RANBP17: variants seen among roughly 807,000 people sequenced by gnomAD.
RANBP17 encodes RAN binding protein 17, also known as ran-binding protein 17.
In RANBP17, 158 loss-of-function variants were observed where a neutral mutation model predicts 141.2. The observed-to-expected ratio is 1.12, with a 90% CI of 0.98 to 1.28. The LOEUF is 1.28. RANBP17 is among the 50% of genes most tolerant of loss of function. RANBP17 has a pLI of 0.00. For synonymous variants in RANBP17, 430 were observed against 450.0 expected (o/e 0.96, Z 0.56); for missense variants, 1,438 against 1,290.7 (o/e 1.11, Z -1.75).
At chr5:171,203,302 T>C (rs1181758318) in intron 19 of RANBP17, among the ~76,000 whole-genome samples, 1 of 152,242 alleles carries the variant, frequency 6.6e-6, no homozygotes, top group African/African-American at 2.4e-5. Flanking sequence ...CTTAGTAGGC[T>C]GGTTGAGCTC....
At chr5:170,862,344 C>T (rs932116422) in intron 1 of RANBP17, among the ~76,000 whole-genome samples, 3 of 152,204 alleles carry the variant, frequency 2.0e-5, no homozygotes, top group Non-Finnish European at 4.4e-5. Context: ...GGTGCGGACG[C>T]CGGCAGCACG....
intron 13 of RANBP17, among the ~76,000 whole-genome samples, chr5:170,964,521 G>T (rs1051061396): frequency 6.6e-6 from 1 of 151,594 alleles, no homozygotes; most frequent in African/African-American, 2.4e-5. Flanking sequence ...AGCATTAGGT[G>T]TATCTCCTAA....
At chr5:171,238,184 T>G (rs531662326) in intron 22 of RANBP17, among the ~76,000 whole-genome samples, 1 of 152,306 alleles carries the variant, frequency 6.6e-6, no homozygotes, top group South Asian at 2.1e-4. Context: ...ATGCCTAGTC[T>G]TCCATTATTA....
intron 12 of RANBP17, among the ~76,000 whole-genome samples, chr5:170,942,440 A>C (rs1394357979): frequency 6.6e-6 from 1 of 152,228 alleles, no homozygotes; most frequent in African/African-American, 2.4e-5. Flanking sequence ...AATGAACTAT[A>C]CCTAGTGAGT....
At chr5:171,082,069 T>C (rs1455237967) in intron 14 of RANBP17, among the ~76,000 whole-genome samples, 1 of 152,180 alleles carries the variant, frequency 6.6e-6, no homozygotes, top group East Asian at 1.9e-4. Flanking sequence ...TAATTTTTGT[T>C]ACAGCATTTC....
intron 14 of RANBP17, among the ~76,000 whole-genome samples, chr5:171,027,094 C>T (rs1781281460): frequency 6.6e-6 from 1 of 152,128 alleles, no homozygotes. Flanking sequence ...CACTATCCGT[C>T]CAGGGAAAAA....
chr5:171,036,108 G>C (rs1457613145), intron 14 of RANBP17, among the ~76,000 whole-genome samples: 2 of 151,966 alleles, frequency 1.3e-5, no homozygotes, highest in Admixed American at 1.3e-4. Flanking sequence ...TATTTTATTG[G>C]CCAAGCTGGT....
At chr5:171,268,310 A>C (rs1367068728) in intron 25 of RANBP17, among the ~76,000 whole-genome samples, 2 of 152,156 alleles carry the variant, frequency 1.3e-5, no homozygotes, top group Non-Finnish European at 2.9e-5. Context: ...ACCCCACAAC[A>C]ACCCTGAAAA....
intron 23 of RANBP17, among the ~76,000 whole-genome samples, chr5:171,242,090 C>T (rs1176749384): frequency 1.3e-5 from 2 of 151,870 alleles, no homozygotes; most frequent in Admixed American, 6.6e-5. Flanking sequence ...TCCCAAGTAG[C>T]TGGAATTACC....
At chr5:171,221,289 T>C (rs1184372890) in intron 21 of RANBP17, among the ~76,000 whole-genome samples, 1 of 152,232 alleles carries the variant, frequency 6.6e-6, no homozygotes, top group Non-Finnish European at 1.5e-5. Flanking sequence ...TTTACACATA[T>C]GTGCAGTATT....
intron 22 of RANBP17, among the ~76,000 whole-genome samples, chr5:171,226,003 G>C (rs1013592914): frequency 3.3e-5 from 5 of 152,084 alleles, no homozygotes; most frequent in African/African-American, 1.2e-4. Context: ...ATTTGGATGA[G>C]GATTAAATTT....
chr5:170,936,880 G>T (rs1773920867), intron 12 of RANBP17, among the ~76,000 whole-genome samples: 1 of 152,032 alleles, frequency 6.6e-6, no homozygotes, highest in Non-Finnish European at 1.5e-5. Flanking sequence ...GTAAACATTT[G>T]TGATTGTTAT....
intron 25 of RANBP17, among the ~76,000 whole-genome samples, chr5:171,274,146 G>A (rs1210415353): frequency 1.6e-5 from 2 of 122,016 alleles, no homozygotes; most frequent in African/African-American, 6.3e-5. Context: ...GTGTGTGTGT[G>A]TGTGCGCGCG....
At chr5:170,922,113 G>A (rs1368610309) in intron 11 of RANBP17, among the ~76,000 whole-genome samples, 2 of 151,402 alleles carry the variant, frequency 1.3e-5, no homozygotes, top group Admixed American at 6.6e-5. Context: ...GGAGTTTGCC[G>A]GAGGTCCACT....
chr5:171,265,552 C>CA (rs2128019767), intron 24 of RANBP17, 129 bp from the exon 25 acceptor site: 4 of 867,798 alleles, frequency 4.6e-6, no homozygotes, highest in Admixed American at 5.0e-5. Flanking sequence ...TTCCTGCCCT[C>CA]AAAGAACTTG....
intron 19 of RANBP17, among the ~76,000 whole-genome samples, chr5:171,202,545 G>T (rs1762354517): frequency 6.6e-6 from 1 of 152,176 alleles, no homozygotes; most frequent in African/African-American, 2.4e-5. Context: ...AGTGCCAAAT[G>T]TTGCAAACAG....
chr5:170,939,404 A>G (rs151201821), intron 12 of RANBP17, among the ~76,000 whole-genome samples: 1 of 145,560 alleles, frequency 6.9e-6, no homozygotes, highest in Non-Finnish European at 1.5e-5. Context: ...TATTTATTTA[A>G]GATGCAGTCT....
At chr5:171,061,724 C>T (rs531036464) in intron 14 of RANBP17, among the ~76,000 whole-genome samples, 2 of 152,212 alleles carry the variant, frequency 1.3e-5, no homozygotes, top group African/African-American at 4.8e-5. Context: ...TCCTTGTTAA[C>T]TTTCTCTCTC....
At chr5:170,980,197 A>T (rs1043693584) in intron 14 of RANBP17, among the ~76,000 whole-genome samples, 4 of 152,212 alleles carry the variant, frequency 2.6e-5, no homozygotes. Context: ...AACATTCAAG[A>T]GGTGACTTGG....
Sources: gnomAD v4.1 joint callset for allele counts (sites outside exome capture counted in the v4.1 genomes callset) on GRCh38, gnomAD v4.1.1 for gene constraint, MANE v1.5 for transcripts, NCBI Gene and HGNC (gene_info 2026-07-23, HGNC 2026-07-21) for gene names.